Variants in APBB2 observed in about 807,000 individuals in gnomAD.
The protein encoded by APBB2 is amyloid beta precursor protein binding family B member 2.
A neutral mutation model predicts 82.5 loss-of-function variants in APBB2; 38 were observed. The ratio of observed to expected loss-of-function variants is 0.46; its 90% CI spans 0.36 to 0.60. The LOEUF (loss-of-function observed/expected upper bound fraction) is 0.60. Ranked by LOEUF, APBB2 falls within the 20% of genes least tolerant of loss-of-function variation. The pLI is 0.00. For missense variants in APBB2, 772 were observed against 972.3 expected, an observed-to-expected ratio of 0.79 and a Z score of 2.74; for synonymous variants, 341 against 368.2, an observed-to-expected ratio of 0.93 and a Z score of 0.85.
chr4:41,142,574 G>A (rs2585590), intron 2 of APBB2, among the ~76,000 whole-genome samples: 85,197 of 152,002 alleles, frequency 0.56, 24,224 homozygotes, highest in East Asian at 0.77. Context: ...TTCAAAGTTC[G>A]AAAACACAAA....
Position 40,838,329 on chromosome 4 carries a change from A to ATTT in APBB2, c.1530-7755_1530-7753dup, listed in dbSNP as rs780767835. ...AGGTGTGCACCACCACACATGGCTA[A>ATTT]TTTTTTTTTTTTTTTTTTTTTTTTG... is the stretch of plus-strand genomic sequence containing the variant. On this transcript the variant is annotated intron_variant, in intron 12 of 17. Transcript: ENST00000508593. Among the ~76,000 whole-genome samples, 305 of 72,208 alleles carry ATTT rather than the reference A, an allele frequency of 4.2e-3. 2 individuals are homozygous for ATTT. The highest frequency in any genetic ancestry group is 9.3e-3 in the African/African-American group (158 of 17,004). The allele number at this position is 72,208 out of a possible 152,430, so 47.4% of individuals were successfully genotyped here.
intron 4 of APBB2, among the ~76,000 whole-genome samples, chr4:41,064,337 A>G (rs1189087072): frequency 3.3e-5 from 5 of 152,210 alleles, no homozygotes; most frequent in Admixed American, 2.0e-4. Flanking sequence ...GAGCCCAGCC[A>G]TAACTTTCCT....
Position 40,826,836 on chromosome 4 carries a change from T to G in APBB2, c.1732+296A>C, listed in dbSNP as rs1750115101. 3.5e-6 allele frequency: 1 copy of G among 289,550 alleles called. No homozygotes were observed. Among genetic ancestry groups the G allele is most frequent in the African/African-American group, 2.2e-5 (1 of 44,978 alleles). The allele number at this position is 289,550 out of a possible 1,614,324, so 17.9% of individuals were successfully genotyped here. On this transcript the variant is annotated intron_variant, in intron 14 of 17. Transcript: ENST00000508593. This position sits in a 1 kb window ranked among gnomAD's most constrained non-coding sequence, Gnocchi z 4.5. ...TACATGAATTATAATATGAAGACAG[T>G]ATTCTTAAAGAACATAAAATACAAA... is the stretch of plus-strand genomic sequence containing the variant.
At position 41,142,632 on chromosome 4, in the gene APBB2, G is replaced by A. The variant is rs73142340; in HGVS notation, c.-261+355C>T. On this transcript the variant is annotated intron_variant, in intron 2 of 17. Coordinates refer to ENST00000508593, the MANE Select transcript of APBB2 (RefSeq NM_004307.2). ...CAAATCCAACTCCATGAGGCTGGAC[G>A]CCGCTTTCTCCCCAAAATAAAGCCA... Among the ~76,000 whole-genome samples the A allele has an allele frequency of 5.5e-3, 832 of 152,304 alleles. 9 individuals are homozygous for A. Among genetic ancestry groups the A allele is most frequent in the African/African-American group, 0.015 (613 of 41,566 alleles).
chr4:40,862,599 G>A (rs1298063249), intron 12 of APBB2, among the ~76,000 whole-genome samples: 2 of 152,192 alleles, frequency 1.3e-5, no homozygotes, highest in African/African-American at 4.8e-5. Flanking sequence ...CGCGGCTCAC[G>A]CCTGTAATCC....
chr4:40,884,918 C>A (rs1163966551), intron 12 of APBB2, among the ~76,000 whole-genome samples: 1 of 152,106 alleles, frequency 6.6e-6, no homozygotes, highest in Non-Finnish European at 1.5e-5. Flanking sequence ...ATAGAACAAT[C>A]AAGTCAAAGA....
At chr4:40,830,218 A>G (rs1751407426) in intron 13 of APBB2, among the ~76,000 whole-genome samples, 2 of 151,820 alleles carry the variant, frequency 1.3e-5, no homozygotes, top group African/African-American at 4.8e-5. Flanking sequence ...ACACATATAT[A>G]TATATATATG....
chr4:40,908,067 G>T (rs967551375), intron 10 of APBB2, among the ~76,000 whole-genome samples: 6 of 151,088 alleles, frequency 4.0e-5, no homozygotes, highest in Non-Finnish European at 8.9e-5. Flanking sequence ...TGTGTGTGTG[G>T]CATATGTGTG....
chr4:41,137,194 A>G (rs562879746), intron 2 of APBB2, among the ~76,000 whole-genome samples: 120 of 152,332 alleles, frequency 7.9e-4, no homozygotes, highest in African/African-American at 2.8e-3. Context: ...GTAAAATAAT[A>G]GTTTTGTGAT....
At chr4:40,921,404 C>T (rs947130031) in intron 10 of APBB2, among the ~76,000 whole-genome samples, 9 of 152,150 alleles carry the variant, frequency 5.9e-5, no homozygotes, top group South Asian at 2.1e-4. Flanking sequence ...ATCTCCCCTG[C>T]ATGGTGGTTC....
intron 11 of APBB2, among the ~76,000 whole-genome samples, chr4:40,891,724 A>G (rs972181797): frequency 6.6e-6 from 1 of 152,172 alleles, no homozygotes; most frequent in Non-Finnish European, 1.5e-5. Flanking sequence ...CACTGGCAGA[A>G]AACAGAACTT....
chr4:40,985,131 T>C (rs949748455), intron 6 of APBB2, among the ~76,000 whole-genome samples: 3 of 152,048 alleles, frequency 2.0e-5, no homozygotes, highest in African/African-American at 7.2e-5. Context: ...CCCAGGCTGG[T>C]CTCAGACTTC....
intron 1 of APBB2, among the ~76,000 whole-genome samples, chr4:41,191,291 C>G (rs1325552129): frequency 2.6e-5 from 4 of 152,160 alleles, no homozygotes; most frequent in Non-Finnish European, 5.9e-5. Context: ...TTAACATAAT[C>G]GAACCACGTG....
At chr4:41,019,242 G>A (rs1579290208) in intron 5 of APBB2, among the ~76,000 whole-genome samples, 1 of 152,140 alleles carries the variant, frequency 6.6e-6, no homozygotes, top group Non-Finnish European at 1.5e-5. Context: ...TTTAAAGGCT[G>A]TAAAAGCAGA....
intron 10 of APBB2, among the ~76,000 whole-genome samples, chr4:40,901,325 A>G (rs929128914): frequency 6.6e-6 from 1 of 152,128 alleles, no homozygotes; most frequent in African/African-American, 2.4e-5. Context: ...TGATCCCCCA[A>G]TCCTGACATA....
chr4:41,152,466 G>C (rs1274749189), intron 1 of APBB2, among the ~76,000 whole-genome samples: 2 of 151,972 alleles, frequency 1.3e-5, no homozygotes, highest in Non-Finnish European at 2.9e-5. Context: ...GGGACTACAG[G>C]CGCCCACCAC....
intron 6 of APBB2, among the ~76,000 whole-genome samples, chr4:40,967,712 C>T (rs11932328): frequency 2.0e-5 from 3 of 152,160 alleles, no homozygotes; most frequent in African/African-American, 4.8e-5. Context: ...AGGCTAGAAG[C>T]GTGAGCCGAG....
chr4:41,174,733 C>T (rs16852860), intron 1 of APBB2, among the ~76,000 whole-genome samples: 2,935 of 152,214 alleles, frequency 0.019, 89 homozygotes, highest in African/African-American at 0.068. Flanking sequence ...TAGTCAAGCT[C>T]TGAAGAACTA....
intron 6 of APBB2, among the ~76,000 whole-genome samples, chr4:40,991,188 TTTTTTTTTTG>T (rs1350406975): frequency 1.0e-4 from 14 of 139,756 alleles, no homozygotes; most frequent in Non-Finnish European, 1.7e-4. Flanking sequence ...TTTTTTTTTT[TTTTTTTTTTG>T]TAGAAATGAG....
Sources: allele counts gnomAD v4.1 joint callset (sites outside exome capture counted in the v4.1 genomes callset), GRCh38; gene constraint gnomAD v4.1.1; non-coding constraint Gnocchi (gnomAD v3.1); transcripts MANE v1.5; gene names NCBI Gene and HGNC (gene_info 2026-07-23, HGNC 2026-07-21).